The following SPOCK1 variants were observed in gnomAD, a reference collection of about 807,000 sequenced individuals.
The protein encoded by SPOCK1 is testican-1.
SPOCK1 carries 23 observed loss-of-function variants against 55.3 expected under a neutral mutation model. The ratio of observed to expected loss-of-function variants is 0.42; its 90% CI spans 0.30 to 0.59. The LOEUF (loss-of-function observed/expected upper bound fraction) is 0.59. SPOCK1 is among the 20% of genes least tolerant of loss of function. SPOCK1 has a pLI of 0.22. For synonymous variants in SPOCK1, 226 were observed against 221.0 expected, an observed-to-expected ratio of 1.02 and a Z score of -0.20; for missense variants, 499 against 552.5, an observed-to-expected ratio of 0.90 and a Z score of 0.97.
intron 2 of SPOCK1, among the ~76,000 whole-genome samples, chr5:137,491,659 G>A (rs754595272): frequency 6.6e-6 from 1 of 152,148 alleles, no homozygotes; most frequent in Admixed American, 6.5e-5. Context: ...ACAGTTTTTC[G>A]ATATGTGTGA....
intron 6 of SPOCK1, among the ~76,000 whole-genome samples, chr5:137,060,616 T>G (rs1752378866): frequency 7.0e-6 from 1 of 141,902 alleles, no homozygotes; most frequent in Non-Finnish European, 1.6e-5. Flanking sequence ...AAAAAGAATG[T>G]ATGTTAATTT....
At chr5:137,302,579 A>AAAATAAATAAAT (rs56375242) in intron 2 of SPOCK1, among the ~76,000 whole-genome samples, 7 of 141,138 alleles carry the variant, frequency 5.0e-5, no homozygotes, top group East Asian at 2.1e-4. Flanking sequence ...TCCATCTCAA[A>AAAATAAATAAAT]AAATAAATAA....
chr5:137,191,609 T>A (rs1755180400), intron 3 of SPOCK1, among the ~76,000 whole-genome samples: 1 of 152,212 alleles, frequency 6.6e-6, no homozygotes. Context: ...TATCAATAGA[T>A]CAATCATACT....
At chr5:137,421,490 G>A (rs1486229147) in intron 2 of SPOCK1, among the ~76,000 whole-genome samples, 1 of 152,174 alleles carries the variant, frequency 6.6e-6, no homozygotes, top group African/African-American at 2.4e-5. Flanking sequence ...CCTGTATTGG[G>A]TGCATATATA....
chr5:137,328,056 C>CTGCT (rs1344838761), intron 2 of SPOCK1, among the ~76,000 whole-genome samples: 1 of 152,224 alleles, frequency 6.6e-6, no homozygotes, highest in Non-Finnish European at 1.5e-5. Context: ...ACAGCCTTTG[C>CTGCT]TGCTGCCTGA....
At chr5:137,389,008 C>A (rs1322569986) in intron 2 of SPOCK1, among the ~76,000 whole-genome samples, 2 of 152,276 alleles carry the variant, frequency 1.3e-5, no homozygotes, top group East Asian at 3.9e-4. Flanking sequence ...AGCAAAACAC[C>A]TAAGGCTCAT....
chr5:137,452,201 A>AT (rs1753268682), intron 2 of SPOCK1, among the ~76,000 whole-genome samples: 1 of 152,248 alleles, frequency 6.6e-6, no homozygotes, highest in Admixed American at 6.5e-5. Flanking sequence ...ACAAGCCAAA[A>AT]TTTAACTATT....
At chr5:137,087,795 T>C (rs182750089) in intron 5 of SPOCK1, among the ~76,000 whole-genome samples, 7 of 152,094 alleles carry the variant, frequency 4.6e-5, no homozygotes, top group Admixed American at 4.6e-4. Flanking sequence ...AGGGAGAACA[T>C]TGAGAAGGTT....
chr5:137,404,027 T>C (rs952347796), intron 2 of SPOCK1, among the ~76,000 whole-genome samples: 1 of 152,064 alleles, frequency 6.6e-6, no homozygotes, highest in Non-Finnish European at 1.5e-5. Context: ...TGGTAGATGT[T>C]TGTGTCAATC....
At chr5:137,422,657 T>C (rs1172521907) in intron 2 of SPOCK1, among the ~76,000 whole-genome samples, 1 of 152,258 alleles carries the variant, frequency 6.6e-6, no homozygotes, top group Admixed American at 6.5e-5. Context: ...AGGACTTCTC[T>C]GCATTGGTTA....
chr5:137,407,149 A>G (rs1220712785), intron 2 of SPOCK1, among the ~76,000 whole-genome samples: 1 of 152,240 alleles, frequency 6.6e-6, no homozygotes, highest in East Asian at 1.9e-4. Flanking sequence ...GCAGCAGGAC[A>G]TAATTTCATG....
Position 136,999,825 on chromosome 5 carries a change from A to G in SPOCK1, c.590-7225T>C, listed in dbSNP as rs966259506. Reference sequence around the variant, plus strand: ...AACTGAAGCCACATTTGAACACCCAATTGGGGATGTCCGAAAATGGCAAAT... The same window carrying G: ...AACTGAAGCCACATTTGAACACCCAGTTGGGGATGTCCGAAAATGGCAAAT... On this transcript the variant is annotated intron_variant, in intron 6 of 10. Transcript: ENST00000394945. 2.0e-5 allele frequency among the ~76,000 whole-genome samples: 3 copies of G among 152,316 alleles called. No homozygotes were observed. In the South Asian group the frequency reaches 6.2e-4, roughly 32 times the overall value.
intron 3 of SPOCK1, among the ~76,000 whole-genome samples, chr5:137,174,696 G>T (rs1455009856): frequency 6.6e-6 from 1 of 152,226 alleles, no homozygotes; most frequent in African/African-American, 2.4e-5. Context: ...CAGATATTTT[G>T]TTCCAAAGCC....
chr5:137,192,537 G>C lies in SPOCK1; in HGVS notation c.233-51843C>G, dbSNP rs572845471. ...CTGCCTCCCTGGCATCTGCCTGTGT[G>C]GGCTGTGCAGTCCCTAGCATGGGCA... On this transcript the variant is annotated intron_variant, in intron 3 of 10. Transcript: ENST00000394945. 2.6e-5 allele frequency among the ~76,000 whole-genome samples: 4 copies of C among 152,194 alleles called. No homozygotes were observed. In the South Asian group the frequency reaches 6.2e-4, roughly 24 times the overall value.
intron 4 of SPOCK1, among the ~76,000 whole-genome samples, chr5:137,125,088 A>G (rs1408230266): frequency 6.6e-6 from 1 of 152,200 alleles, no homozygotes; most frequent in Non-Finnish European, 1.5e-5. Context: ...TAATAGCACT[A>G]ACTCTTACTG....
intron 3 of SPOCK1, among the ~76,000 whole-genome samples, chr5:137,197,584 T>A (rs910913790): frequency 1.3e-5 from 2 of 152,238 alleles, no homozygotes; most frequent in African/African-American, 4.8e-5. Flanking sequence ...AGAAAAATCT[T>A]CATACTAAGA....
intron 5 of SPOCK1, among the ~76,000 whole-genome samples, chr5:137,076,123 A>G (rs1000733436): frequency 6.6e-6 from 1 of 152,154 alleles, no homozygotes; most frequent in African/African-American, 2.4e-5. Flanking sequence ...TGGATGCAGC[A>G]GAGAGCCCAG....
chr5:136,979,138 G>T (rs924403699), intron 10 of SPOCK1, among the ~76,000 whole-genome samples, 194 bp downstream of exon 10: 1 of 152,134 alleles, frequency 6.6e-6, no homozygotes, highest in Non-Finnish European at 1.5e-5. Flanking sequence ...CTCTTCTCTG[G>T]TCATAGTGAG....
At chr5:137,187,416 T>C (rs1755090005) in intron 3 of SPOCK1, among the ~76,000 whole-genome samples, 1 of 152,170 alleles carries the variant, frequency 6.6e-6, no homozygotes, top group South Asian at 2.1e-4. Context: ...TAGAGTGTTG[T>C]CCTTTCTCTC....
Sources: allele counts gnomAD v4.1 joint callset (sites outside exome capture counted in the v4.1 genomes callset), GRCh38; gene constraint gnomAD v4.1.1; transcripts MANE v1.5; gene names NCBI Gene and HGNC (gene_info 2026-07-23, HGNC 2026-07-21).